The following HIVEP3 variants were observed in gnomAD, a reference collection of about 807,000 sequenced individuals.
HIVEP3 encodes transcription factor HIVEP3.
A neutral mutation model predicts 152.8 loss-of-function variants in HIVEP3; 49 were observed. The observed-to-expected ratio is 0.32, with a 90% confidence interval of 0.26 to 0.41. The LOEUF (loss-of-function observed/expected upper bound fraction) is 0.41, where lower values mean the gene tolerates loss of function less well. HIVEP3 is among the 10% of genes least tolerant of loss of function. HIVEP3 has a pLI of 1.00. For synonymous variants in HIVEP3, 1,269 were observed against 1,289.0 expected (o/e 0.98, Z 0.33); for missense variants, 2,790 against 3,103.3 (o/e 0.90, Z 2.40).
At position 41,580,649 on chromosome 1, in the gene HIVEP3, T is replaced by G. The variant is rs1293403338; in HGVS notation, c.4149A>C (p.Leu1383Phe). The G allele has an allele frequency of 6.2e-7, 1 of 1,614,076 alleles. No homozygotes were observed. Among genetic ancestry groups the G allele is most frequent in the Non-Finnish European group, 8.5e-7 (1 of 1,180,016 alleles). The change falls in exon 4 of 9, where the codon TTA becomes TTC. Residue 1383 changes from leucine (L) to phenylalanine (F), a missense_variant. This residue lies in a region of HIVEP3 where 1,078 missense variants were observed against 1,165.3 expected (regional missense o/e 0.93). Transcript: ENST00000372583. ...GGAAAGCTCTGCTTTGCTCTTCACT[T>G]AACCCAGAAGGGCCGGGCCCAACCT... is the stretch of plus-strand genomic sequence containing the variant. ...VHEVGPGPSGLSEEQSRAFPT... is the reference protein window; with the variant it reads ...VHEVGPGPSGFSEEQSRAFPT...
chr1:41,767,297 T>C (rs1340162969), intron 1 of HIVEP3, among the ~76,000 whole-genome samples: 1 of 152,188 alleles, frequency 6.6e-6, no homozygotes, highest in Non-Finnish European at 1.5e-5. Flanking sequence ...TGCTGGGGAT[T>C]AAAGAGGACA....
intron 7 of HIVEP3, among the ~76,000 whole-genome samples, chr1:41,514,304 G>A (rs1374966653): frequency 6.6e-6 from 1 of 152,166 alleles, no homozygotes. Flanking sequence ...TAAAATGAAG[G>A]CCTGGCACAT....
intron 1 of HIVEP3, among the ~76,000 whole-genome samples, chr1:41,795,289 T>A (rs1458619296): frequency 1.3e-5 from 2 of 152,228 alleles, no homozygotes; most frequent in Non-Finnish European, 2.9e-5. Flanking sequence ...TTTTGTATGA[T>A]GTCCCTCAAT....
At chr1:42,017,776 T>A (rs962023105) in intron 1 of HIVEP3, among the ~76,000 whole-genome samples, 1 of 152,166 alleles carries the variant, frequency 6.6e-6, no homozygotes, top group Non-Finnish European at 1.5e-5. Flanking sequence ...GTTTGTCATA[T>A]ACCTAGGAGT....
At chr1:41,864,951 G>T (rs1356043531) in intron 1 of HIVEP3, among the ~76,000 whole-genome samples, 2 of 152,148 alleles carry the variant, frequency 1.3e-5, no homozygotes, top group Non-Finnish European at 2.9e-5. Context: ...TCCCAGGGAG[G>T]TCTTGCAGAG....
At chr1:41,617,656 G>A (rs1203390302) in intron 3 of HIVEP3, among the ~76,000 whole-genome samples, 1 of 152,256 alleles carries the variant, frequency 6.6e-6, no homozygotes, top group East Asian at 1.9e-4. Flanking sequence ...GATATCAACA[G>A]TGTTTCCTGA....
intron 2 of HIVEP3, among the ~76,000 whole-genome samples, chr1:41,636,883 C>T (rs567363006): frequency 1.1e-4 from 17 of 147,986 alleles, no homozygotes; most frequent in Middle Eastern, 3.5e-3. Flanking sequence ...CGCTTGAAAC[C>T]GGGAGGCAGA....
intron 2 of HIVEP3, among the ~76,000 whole-genome samples, chr1:41,653,953 CAAAAAAAA>C (rs55707109): frequency 6.5e-5 from 3 of 46,216 alleles, no homozygotes; most frequent in Admixed American, 3.1e-4. Context: ...TTTTCTACTG[CAAAAAAAA>C]AAAAAAAAAA....
intron 1 of HIVEP3, among the ~76,000 whole-genome samples, chr1:41,829,011 CA>C (rs1357892140): frequency 6.6e-6 from 1 of 152,224 alleles, no homozygotes; most frequent in Non-Finnish European, 1.5e-5. Context: ...TGAGCTGGCT[CA>C]GGGGTGGCCT....
At chr1:41,872,487 G>A (rs1034738605) in intron 1 of HIVEP3, among the ~76,000 whole-genome samples, 7 of 151,928 alleles carry the variant, frequency 4.6e-5, no homozygotes, top group Non-Finnish European at 7.4e-5. Context: ...ATAGAAGTAC[G>A]GAGTCCTTCT....
chr1:41,988,272 A>C (rs867642778), intron 1 of HIVEP3, among the ~76,000 whole-genome samples: 2 of 152,244 alleles, frequency 1.3e-5, no homozygotes, highest in Non-Finnish European at 2.9e-5. Flanking sequence ...ACAGCAAAGG[A>C]AATAATCAGC....
intron 2 of HIVEP3, among the ~76,000 whole-genome samples, chr1:41,640,109 C>A (rs560409737): frequency 6.6e-6 from 1 of 152,190 alleles, no homozygotes; most frequent in African/African-American, 2.4e-5. Flanking sequence ...AAGAAAAGTT[C>A]ATGGTTTTCA....
chr1:41,863,672 T>C (rs922916164), intron 1 of HIVEP3, among the ~76,000 whole-genome samples: 2 of 152,216 alleles, frequency 1.3e-5, no homozygotes, highest in Admixed American at 6.5e-5. Flanking sequence ...TCGTCAAAAT[T>C]GATCTAACGG....
chr1:41,789,284 C>G (rs547987399), intron 1 of HIVEP3, among the ~76,000 whole-genome samples: 19 of 152,318 alleles, frequency 1.2e-4, no homozygotes, highest in African/African-American at 3.8e-4. Context: ...GTAACCACTT[C>G]ATGCTTCAGT....
At chr1:41,846,508 G>A (rs1022525295) in intron 1 of HIVEP3, among the ~76,000 whole-genome samples, 4 of 152,230 alleles carry the variant, frequency 2.6e-5, no homozygotes, top group East Asian at 1.9e-4. Flanking sequence ...GGTTGTATCC[G>A]GTGAGGATGA....
At chr1:41,952,893 T>C (rs1645117032) in intron 1 of HIVEP3, among the ~76,000 whole-genome samples, 1 of 152,158 alleles carries the variant, frequency 6.6e-6, no homozygotes, top group Non-Finnish European at 1.5e-5. Flanking sequence ...CCTCTTTTCT[T>C]AGAAGGTGTC....
At chr1:41,920,319 C>A (rs533202798), upstream of HIVEP3, among the ~76,000 whole-genome samples, 2 of 152,256 alleles carry the variant, frequency 1.3e-5, no homozygotes, top group East Asian at 3.9e-4. Context: ...AAGGCACAGA[C>A]CTACCACAGA....
chr1:41,626,533 G>A (rs1445084741), intron 3 of HIVEP3, among the ~76,000 whole-genome samples: 2 of 152,152 alleles, frequency 1.3e-5, no homozygotes, highest in Admixed American at 1.3e-4. Flanking sequence ...AGTCTGCAGA[G>A]GACCCCCCAT....
In HIVEP3 at chr1:41,582,161, C is replaced by T. The variant is rs1644421209; in HGVS notation, c.2637G>A (p.Glu879=). 1 of 1,614,050 alleles carries T rather than the reference C, an allele frequency of 6.2e-7. No homozygotes were observed. The highest frequency in any genetic ancestry group is 1.3e-5 in the African/African-American group (1 of 75,020). The part of the protein sequence containing the change: ...TEPEPPPKEP[E]KTEEFQWPQR... ...GGGGCCATTGGAACTCCTCAGTCTT[C>T]TCAGGTTCCTTAGGGGGCGGCTCTG... The change falls in exon 4 of 9, where the codon GAG becomes GAA. Residue 879 remains glutamate (E), a synonymous_variant. Transcript: ENST00000372583. The surrounding 1 kb of genome is among the most constrained non-coding windows in gnomAD (Gnocchi z 4.7).
Sources: allele counts gnomAD v4.1 joint callset (sites outside exome capture counted in the v4.1 genomes callset), GRCh38; gene constraint gnomAD v4.1.1; regional missense constraint gnomAD v4.1.1; non-coding constraint Gnocchi (gnomAD v3.1); transcripts MANE v1.5; gene names NCBI Gene and HGNC (gene_info 2026-07-23, HGNC 2026-07-21).